PAPPA: variants seen among roughly 807,000 people sequenced by gnomAD.
The protein encoded by PAPPA is pappalysin-1.
PAPPA carries 60 observed loss-of-function variants against 164.0 expected under a neutral mutation model. That is an observed-to-expected ratio of 0.37 (90% confidence interval 0.30 to 0.45). PAPPA has a LOEUF of 0.45. Ranked by LOEUF, PAPPA falls within the 20% of genes least tolerant of loss-of-function variation. PAPPA has a pLI of 1.00. For synonymous variants in PAPPA, 875 were observed against 814.1 expected (o/e 1.07, Z -1.27); for missense variants, 1,782 against 2,087.3 (o/e 0.85, Z 2.85).
intron 19 of PAPPA, 66 bp downstream of exon 19, chr9:116,367,820 T>G: frequency 5.7e-6 from 6 of 1,060,034 alleles, no homozygotes; most frequent in Non-Finnish European, 8.7e-6. Flanking sequence ...GTTGAGCACT[T>G]GCTATGTCCC....
chr9:116,306,364 A>G (rs945491823), intron 10 of PAPPA, among the ~76,000 whole-genome samples: 1 of 152,212 alleles, frequency 6.6e-6, no homozygotes, highest in Non-Finnish European at 1.5e-5. Context: ...TTCAGTTTTG[A>G]TGTTGTAAAA....
intron 21 of PAPPA, among the ~76,000 whole-genome samples, chr9:116,389,186 G>A (rs1478696296): frequency 1.4e-5 from 2 of 146,402 alleles, no homozygotes; most frequent in East Asian, 4.1e-4. Context: ...AGGCTGGAGT[G>A]CAGTGGCATA....
intron 2 of PAPPA, among the ~76,000 whole-genome samples, chr9:116,191,044 A>G (rs3789277): frequency 1.4e-5 from 1 of 70,402 alleles, no homozygotes; most frequent in Non-Finnish European, 3.9e-5. Context: ...GAGGAAGGGA[A>G]GGAGGGAGGG....
chr9:116,218,384 G>A (rs903318354), intron 4 of PAPPA, among the ~76,000 whole-genome samples: 2 of 152,192 alleles, frequency 1.3e-5, no homozygotes, highest in African/African-American at 4.8e-5. Flanking sequence ...CCAGTAGCAA[G>A]TTTATTTTAA....
At chr9:116,229,989 C>T (rs1844569580) in intron 6 of PAPPA, among the ~76,000 whole-genome samples, 1 of 152,216 alleles carries the variant, frequency 6.6e-6, no homozygotes, top group Admixed American at 6.5e-5. Flanking sequence ...ACATCCAATG[C>T]AACTATTAGT....
rs1564191177 is a variant in PAPPA at position 116,227,525 on chromosome 9, G to A, written c.2206G>A (p.Gly736Arg). Reference protein sequence around the residue: ...ASSPMPCSPSGHWSPREAEGH... With the variant: ...ASSPMPCSPSRHWSPREAEGH... ...CTCCCCAATGCCCTGCAGCCCATCA[G>A]GACACTGGAGCCCTCGTGAAGCAGA... is the stretch of plus-strand genomic sequence containing the variant. Residue 736 changes from glycine to arginine, a missense_variant, in exon 6 of 22, where the codon GGA (glycine) becomes AGA (arginine). Around this residue, in one of 2 missense-constraint regions of PAPPA, gnomAD observed 1,324 missense variants for 1,656.9 expected, o/e 0.80. Coordinates refer to ENST00000328252, the MANE Select transcript of PAPPA (RefSeq NM_002581.5). 1 of 1,614,078 alleles carries A rather than the reference G, an allele frequency of 6.2e-7. No individual in the cohort carries two copies. The highest frequency in any genetic ancestry group is 2.2e-5 in the East Asian group (1 of 44,872).
intron 1 of PAPPA, among the ~76,000 whole-genome samples, chr9:116,173,200 G>C (rs1404720156): frequency 6.6e-6 from 1 of 152,164 alleles, no homozygotes; most frequent in Non-Finnish European, 1.5e-5. Context: ...TATCCATTTA[G>C]AGCCTTAAAG....
At chr9:116,179,271 GGAA>G (rs1843872940) in intron 1 of PAPPA, among the ~76,000 whole-genome samples, 1 of 152,180 alleles carries the variant, frequency 6.6e-6, no homozygotes, top group South Asian at 2.1e-4. Context: ...TTCCTGGCAA[GGAA>G]GAAGAATACA....
intron 7 of PAPPA, among the ~76,000 whole-genome samples, chr9:116,252,372 A>G (rs1844869815): frequency 6.6e-6 from 1 of 152,236 alleles, no homozygotes; most frequent in Admixed American, 6.5e-5. Context: ...GTTGGAGCTC[A>G]CAGTGACCAC....
intron 18 of PAPPA, among the ~76,000 whole-genome samples, chr9:116,365,566 T>TTTTTC (rs1554755536): frequency 0.035 from 4,805 of 137,814 alleles, 155 homozygotes; most frequent in African/African-American, 0.049. Flanking sequence ...TTTTTTTTTT[T>TTTTTC]CCTCTCTTGG....
At chr9:116,386,915 T>C (rs1024347992) in intron 21 of PAPPA, among the ~76,000 whole-genome samples, 2 of 152,170 alleles carry the variant, frequency 1.3e-5, no homozygotes, top group Non-Finnish European at 2.9e-5. Context: ...CTGGTTTTTG[T>C]TTCCATCTTC....
intron 12 of PAPPA, among the ~76,000 whole-genome samples, chr9:116,333,041 A>T (rs1041141821): frequency 2.6e-5 from 4 of 152,094 alleles, no homozygotes; most frequent in Admixed American, 2.6e-4. Context: ...CTACCATGGG[A>T]GGACCTCCCT....
chr9:116,227,782 C>T (rs1428645939), intron 6 of PAPPA, among the ~76,000 whole-genome samples: 3 of 152,098 alleles, frequency 2.0e-5, no homozygotes, highest in Non-Finnish European at 4.4e-5. Flanking sequence ...GAAACAAAGA[C>T]AATAAGATAT....
chr9:116,227,527 A>T lies in PAPPA; in HGVS notation c.2208A>T (p.Gly736=), dbSNP rs1421943481. Residue 736 remains glycine (G), a synonymous_variant, in exon 6 of 22, where the codon GGA becomes GGT. Transcript: ENST00000328252. Reference sequence around the variant, plus strand: ...CCCCAATGCCCTGCAGCCCATCAGGACACTGGAGCCCTCGTGAAGCAGAAG... The same window carrying T: ...CCCCAATGCCCTGCAGCCCATCAGGTCACTGGAGCCCTCGTGAAGCAGAAG... ...ASSPMPCSPS[G]HWSPREAEGH... The T allele has an allele frequency of 6.2e-7, 1 of 1,614,074 alleles. No individual in the cohort carries two copies. The highest frequency in any genetic ancestry group is 8.5e-7 in the Non-Finnish European group (1 of 1,179,970).
intron 9 of PAPPA, among the ~76,000 whole-genome samples, chr9:116,291,732 A>T (rs1845438950): frequency 6.6e-6 from 1 of 152,054 alleles, no homozygotes; most frequent in Non-Finnish European, 1.5e-5. Context: ...TCTTGACCCT[A>T]ATGGAAAAGA....
At chr9:116,332,977 G>A (rs1348591702) in intron 12 of PAPPA, 3 of 153,030 alleles carry the variant, frequency 2.0e-5, no homozygotes, top group Non-Finnish European at 4.4e-5. Flanking sequence ...AGTTTCCAAT[G>A]AGAATAGGAA....
intron 1 of PAPPA, among the ~76,000 whole-genome samples, chr9:116,169,095 A>G (rs192342980): frequency 1.3e-5 from 2 of 152,242 alleles, no homozygotes; most frequent in East Asian, 3.9e-4. Context: ...AGGCCTTAGA[A>G]AGACCAAAGA....
At chr9:116,164,559 A>G (rs528857175) in intron 1 of PAPPA, among the ~76,000 whole-genome samples, 2 of 152,326 alleles carry the variant, frequency 1.3e-5, no homozygotes, top group East Asian at 1.9e-4. Flanking sequence ...GGGGCAGCGT[A>G]CCACTAGTTG....
intron 10 of PAPPA, among the ~76,000 whole-genome samples, chr9:116,317,981 G>A (rs1356986951): frequency 2.6e-5 from 4 of 152,112 alleles, no homozygotes; most frequent in Non-Finnish European, 2.9e-5. Flanking sequence ...TTTAAATAAC[G>A]TGCTCAGAAC....
Sources: allele counts gnomAD v4.1 joint callset (sites outside exome capture counted in the v4.1 genomes callset), GRCh38; gene constraint gnomAD v4.1.1; regional missense constraint gnomAD v4.1.1; transcripts MANE v1.5; gene names NCBI Gene and HGNC (gene_info 2026-07-23, HGNC 2026-07-21).